The following TASOR variants were observed in gnomAD, a reference collection of about 807,000 sequenced individuals.
The protein encoded by TASOR is protein TASOR.
A neutral mutation model predicts 178.6 loss-of-function variants in TASOR; 53 were observed. That is an observed-to-expected ratio of 0.30 (90% CI 0.24 to 0.37). The LOEUF (loss-of-function observed/expected upper bound fraction) is 0.37, where lower values mean the gene tolerates loss of function less well. Ranked by LOEUF, TASOR falls within the 10% of genes least tolerant of loss-of-function variation. The pLI is 1.00. For synonymous variants in TASOR, 713 were observed against 696.2 expected (o/e 1.02, Z -0.38); for missense variants, 1,815 against 1,971.4 (o/e 0.92, Z 1.50).
chr3:56,621,515 T>TATCA lies in TASOR; in HGVS notation c.*1518_*1521dup. Reference sequence around the variant, plus strand: ...TGTGCACATTTTACTAACAAACATATATCAATGTGATTTCAGGGCCTTCTC... The same window carrying TATCA: ...TGTGCACATTTTACTAACAAACATATATCAATCAATGTGATTTCAGGGCCTTCTC... On this transcript the variant is annotated 3_prime_UTR_variant, in exon 24 of 24. Transcript: ENST00000683822. 6.5e-7 allele frequency: 1 copy of TATCA among 1,537,182 alleles called. No individual in the cohort carries two copies. The highest frequency in any genetic ancestry group is 2.3e-5 in the East Asian group (1 of 44,132).
In TASOR at chr3:56,646,530, A is replaced by C. The variant is rs769837829; in HGVS notation, c.2207T>G (p.Leu736Arg). The change falls in exon 14 of 24, where the codon CTG becomes CGG. Residue 736 changes from leucine (L) to arginine (R), a missense_variant. Leu to Arg is a moderately radical substitution (Grantham distance 102). This residue lies in a region of TASOR where 655 missense variants were observed against 671.1 expected (regional missense o/e 0.98). Coordinates refer to ENST00000683822, the MANE Select transcript of TASOR (RefSeq NM_001365635.2). ...GCAATCTGATATTTTACCTTCATAC[A>C]GATGGCAATTTTCAGATAAATTACT... ...KTSNLSENCHLYEESPQPIGS... is the reference protein window; with the variant it reads ...KTSNLSENCHRYEESPQPIGS... 6 of 1,601,504 alleles carry C rather than the reference A, an allele frequency of 3.7e-6. No individual in the cohort carries two copies. Among genetic ancestry groups the C allele is most frequent in the Middle Eastern group, 1.7e-4 (1 of 5,984 alleles).
At chr3:56,641,301 C>A in intron 15 of TASOR, 48 bp downstream of exon 15, 1 of 1,490,368 alleles carries the variant, frequency 6.7e-7, no homozygotes, top group South Asian at 1.4e-5. Context: ...GCACCTCTTT[C>A]ACACACACAC....
chr3:56,666,821 G>C (rs1253495255), intron 6 of TASOR, among the ~76,000 whole-genome samples: 2 of 152,204 alleles, frequency 1.3e-5, no homozygotes, highest in African/African-American at 4.8e-5. Context: ...AAGTAGCAAA[G>C]GGAGATACGG....
chr3:56,666,852 G>A (rs565583183), intron 6 of TASOR, among the ~76,000 whole-genome samples: 1 of 152,306 alleles, frequency 6.6e-6, no homozygotes, highest in South Asian at 2.1e-4. Context: ...GAACATAGGT[G>A]ACAAAGATAG....
intron 21 of TASOR, 85 bp from the exon 22 acceptor site, chr3:56,625,091 C>A: frequency 1.5e-6 from 2 of 1,330,700 alleles, no homozygotes; most frequent in Non-Finnish European, 2.1e-6. Context: ...AATTCAATTT[C>A]TCCACTGAGG....
rs1193573596 is a variant in TASOR, at chr3:56,622,685, GTACTT to G, written c.*347_*351del. 6.2e-6 allele frequency: 1 copy of G among 160,024 alleles called. No individual in the cohort carries two copies. Among genetic ancestry groups the G allele is most frequent in the Non-Finnish European group, 1.4e-5 (1 of 73,478 alleles). 9.9% of individuals were successfully genotyped at this position (160,024 alleles called of 1,614,324 possible). ...ATCAAAATAATTCACTTCAACAAAAGTACTTTATATCAGGTGACATTAGAGAAAAA... is the reference window on the plus strand; with the variant it reads ...ATCAAAATAATTCACTTCAACAAAAGTATATCAGGTGACATTAGAGAAAAA... On this transcript the variant is annotated 3_prime_UTR_variant, in exon 24 of 24. Transcript: ENST00000683822.
intron 9 of TASOR, 55 bp downstream of exon 9, chr3:56,662,329 AG>A: frequency 1.2e-6 from 1 of 853,516 alleles, no homozygotes; most frequent in South Asian, 1.6e-5. Context: ...ATAAGGAAAA[AG>A]GCTCAAGAAA....
intron 15 of TASOR, 116 bp downstream of exon 15, chr3:56,641,233 A>T: frequency 9.5e-7 from 1 of 1,053,700 alleles, no homozygotes; most frequent in Non-Finnish European, 1.4e-6. Context: ...ACCTTTACTC[A>T]AAAGTGCATT....
intron 6 of TASOR, 32 bp from the exon 7 acceptor site, chr3:56,666,416 T>C: frequency 7.0e-7 from 1 of 1,437,208 alleles, no homozygotes; most frequent in Non-Finnish European, 9.2e-7. Context: ...ATTAACTTCT[T>C]TAAAAAGGCA....
intron 23 of TASOR, among the ~76,000 whole-genome samples, chr3:56,624,225 T>C (rs1224300712): frequency 6.6e-6 from 1 of 152,212 alleles, no homozygotes; most frequent in East Asian, 1.9e-4. Flanking sequence ...TACTCCATAG[T>C]ATGCACTGTC....
chr3:56,642,877 G>A (rs1425566797), intron 14 of TASOR, among the ~76,000 whole-genome samples: 1 of 152,174 alleles, frequency 6.6e-6, no homozygotes, highest in Admixed American at 6.5e-5. Context: ...TTGGGAGGCT[G>A]AGGCAGGAGA....
rs775823851 is a variant in TASOR at position 56,622,864 on chromosome 3, T to G, written c.*173A>C. On this transcript the variant is annotated 3_prime_UTR_variant, in exon 24 of 24. Coordinates refer to ENST00000683822, the MANE Select transcript of TASOR (RefSeq NM_001365635.2). ...GAGATAATTCAAGTACAATATATGTTAAAAATATATATTTATTTCAATTTT... is the reference window on the plus strand; with the variant it reads ...GAGATAATTCAAGTACAATATATGTGAAAAATATATATTTATTTCAATTTT... The G allele has an allele frequency of 7.0e-6, 3 of 427,330 alleles. No homozygotes were observed. Among genetic ancestry groups the G allele is most frequent in the Non-Finnish European group, 1.2e-5 (3 of 244,640 alleles). 26.5% of individuals were successfully genotyped at this position (427,330 alleles called of 1,614,324 possible).
chr3:56,648,685 T>C (rs2077287844), intron 13 of TASOR, 137 bp downstream of exon 13: 5 of 453,230 alleles, frequency 1.1e-5, no homozygotes, highest in Admixed American at 4.0e-5. Context: ...TGTCTTATAT[T>C]GCTAATACCT....
At chr3:56,624,206 C>T (rs540129861) in intron 23 of TASOR, among the ~76,000 whole-genome samples, 1 of 152,204 alleles carries the variant, frequency 6.6e-6, no homozygotes, top group East Asian at 1.9e-4. Flanking sequence ...ACCTCAAAGA[C>T]AAAATGCATA....
intron 9 of TASOR, 28 bp downstream of exon 9, chr3:56,662,357 C>A (rs2077616742): frequency 4.9e-6 from 6 of 1,214,510 alleles, no homozygotes; most frequent in Non-Finnish European, 7.1e-6. Context: ...AAATTAGCAA[C>A]CACGAACTGC....
In TASOR at chr3:56,620,872, G is replaced by A; in HGVS notation, c.*2165C>T. On this transcript the variant is annotated 3_prime_UTR_variant, in exon 24 of 24. Transcript: ENST00000683822. ...AGTCAAGATAAAATACTGGATGTTG[G>A]CCAGGAGCAGTGGCTCAAGCCTGTA... 1 of 152,808 alleles carries A rather than the reference G, an allele frequency of 6.5e-6. No individual in the cohort carries two copies. 9.5% of individuals were successfully genotyped at this position (152,808 alleles called of 1,614,324 possible). A position where few individuals can be genotyped will look rare whatever the true frequency, so the allele number is the denominator to read the frequency against.
intron 17 of TASOR, among the ~76,000 whole-genome samples, chr3:56,635,648 T>C (rs985550740): frequency 7.9e-5 from 12 of 152,246 alleles, no homozygotes; most frequent in African/African-American, 2.9e-4. Flanking sequence ...TAAAAAATTC[T>C]GAATTATTTA....
At position 56,668,495 on chromosome 3, in the gene TASOR, T is replaced by C. The variant is rs563769824; in HGVS notation, c.799A>G (p.Ser267Gly). Residue 267 changes from serine to glycine, a missense_variant, in exon 6 of 24, where the codon AGT becomes GGT. Transcript: ENST00000683822. Reference sequence around the variant, plus strand: ...TGCTTTGGTGTGGGGTCCAAAGCACTCTTATTTAACATAGATTCCAAACTT... The same window carrying C: ...TGCTTTGGTGTGGGGTCCAAAGCACCCTTATTTAACATAGATTCCAAACTT... ...VKSLESMLNK[S>G]ALDPTPKHEC... 2 of 1,551,464 alleles carry C rather than the reference T, an allele frequency of 1.3e-6. No homozygotes were observed. The highest frequency in any genetic ancestry group is 2.4e-5 in the South Asian group (2 of 84,054).
intron 9 of TASOR, 59 bp from the exon 10 acceptor site, chr3:56,661,076 T>C: frequency 9.2e-7 from 1 of 1,083,184 alleles, no homozygotes; most frequent in Non-Finnish European, 1.4e-6. Context: ...CTAGCAATCT[T>C]AACACATACA....
Sources: gnomAD v4.1 joint callset for allele counts (sites outside exome capture counted in the v4.1 genomes callset) on GRCh38, gnomAD v4.1.1 for gene constraint, gnomAD v4.1.1 regional missense constraint, MANE v1.5 for transcripts, NCBI Gene and HGNC (gene_info 2026-07-23, HGNC 2026-07-21) for gene names.